Variants in GALNT13 observed in about 807,000 individuals in gnomAD.
The protein encoded by GALNT13 is polypeptide N-acetylgalactosaminyltransferase 13.
In GALNT13, 28 loss-of-function variants were observed where a neutral mutation model predicts 64.2. That is an observed-to-expected ratio of 0.44 (90% CI 0.32 to 0.60). GALNT13 has a LOEUF of 0.60. Among genes scored for constraint, GALNT13 ranks in the 20% least tolerant of loss-of-function variants. GALNT13 has a pLI of 0.05. For missense variants in GALNT13, 577 were observed against 669.8 expected, an observed-to-expected ratio of 0.86 and a Z score of 1.53; for synonymous variants, 214 against 224.6, an observed-to-expected ratio of 0.95 and a Z score of 0.42.
intron 3 of GALNT13, among the ~76,000 whole-genome samples, chr2:153,994,695 G>T (rs1454817676): frequency 2.0e-5 from 3 of 152,206 alleles, no homozygotes; most frequent in Admixed American, 6.5e-5. Flanking sequence ...TGATGTGTCT[G>T]TTGGCTGCAT....
the GALNT13 span, among the ~76,000 whole-genome samples, chr2:153,857,401 A>G: frequency 6.6e-5 from 10 of 152,296 alleles, 2 homozygotes; most frequent in Middle Eastern, 6.8e-3. Flanking sequence ...AAGGAAGGGA[A>G]TAATGAAAGT....
chr2:154,266,668 A>G (rs969631636), intron 8 of GALNT13, among the ~76,000 whole-genome samples: 1 of 151,944 alleles, frequency 6.6e-6, no homozygotes, highest in East Asian at 1.9e-4. Context: ...TGATATTAAG[A>G]TGACAATTCT....
chr2:154,034,279 AG>A (rs773531362), intron 3 of GALNT13, among the ~76,000 whole-genome samples: 6 of 152,196 alleles, frequency 3.9e-5, no homozygotes, highest in African/African-American at 7.2e-5. Context: ...ATGGACACTC[AG>A]CCCTAAAAAC....
At chr2:153,370,146 G>A in the GALNT13 span, among the ~76,000 whole-genome samples, 125,512 of 152,124 alleles carry the variant, frequency 0.83, 52,704 homozygotes, top group African/African-American at 0.91. Flanking sequence ...ACTCAAGAAG[G>A]AACAGATAAC....
chr2:153,088,227 A>T, the GALNT13 span, among the ~76,000 whole-genome samples: 1 of 152,064 alleles, frequency 6.6e-6, no homozygotes, highest in Non-Finnish European at 1.5e-5. Flanking sequence ...TGACCCAAAG[A>T]TCATTCAAGA....
chr2:154,290,620 T>G (rs1692553918), intron 8 of GALNT13, among the ~76,000 whole-genome samples: 1 of 152,216 alleles, frequency 6.6e-6, no homozygotes, highest in African/African-American at 2.4e-5. Context: ...TGGGGGAATT[T>G]AGAAGCTGGG....
chr2:154,308,623 G>A (rs1476461115), intron 9 of GALNT13, among the ~76,000 whole-genome samples: 1 of 152,054 alleles, frequency 6.6e-6, no homozygotes, highest in South Asian at 2.1e-4. Flanking sequence ...TCTGAAAATA[G>A]TATAGCACTT....
the GALNT13 span, among the ~76,000 whole-genome samples, chr2:153,282,182 T>C: frequency 2.6e-5 from 4 of 152,144 alleles, no homozygotes; most frequent in African/African-American, 9.7e-5. Flanking sequence ...TTGATAAAGG[T>C]TTCAAATGTA....
At chr2:154,021,262 A>G (rs1697462935) in intron 3 of GALNT13, among the ~76,000 whole-genome samples, 3 of 152,116 alleles carry the variant, frequency 2.0e-5, no homozygotes, top group Admixed American at 2.0e-4. Flanking sequence ...CTTGATGGGG[A>G]TGGCATTGAA....
chr2:154,156,050 A>G (rs1242390900), intron 4 of GALNT13, among the ~76,000 whole-genome samples: 2 of 149,562 alleles, frequency 1.3e-5, no homozygotes, highest in African/African-American at 5.1e-5. Flanking sequence ...TCTTTCTATT[A>G]TTTTTTATGT....
the GALNT13 span, among the ~76,000 whole-genome samples, chr2:153,282,658 TG>T: frequency 6.6e-6 from 1 of 152,134 alleles, no homozygotes; most frequent in Admixed American, 6.5e-5. Context: ...TCAAGCAGTT[TG>T]CCTACCTCAG....
rs151085706 is a variant in GALNT13, at chr2:154,201,653, A to G, written c.312-40377A>G. Among the ~76,000 whole-genome samples the G allele has an allele frequency of 1.9e-4, 29 of 152,298 alleles. No homozygotes were observed. The East Asian group carries it at 5.6e-3, about 29-fold the overall frequency. On this transcript the variant is annotated intron_variant, in intron 4 of 12. Transcript: ENST00000392825. ...CTTTAGATCACATTTTTTAAAAAGT[A>G]TCCTTGGTTATCTCCTCTTTTCAAA...
chr2:153,828,867 T>C, the GALNT13 span, among the ~76,000 whole-genome samples: 1 of 152,164 alleles, frequency 6.6e-6, no homozygotes, highest in East Asian at 1.9e-4. Context: ...AATCATCTCT[T>C]GAATGTTTTG....
the GALNT13 span, among the ~76,000 whole-genome samples, chr2:153,811,999 C>T: frequency 6.6e-6 from 1 of 152,180 alleles, no homozygotes; most frequent in African/African-American, 2.4e-5. Flanking sequence ...CATATGTTTG[C>T]ATTCCTTTAG....
the GALNT13 span, among the ~76,000 whole-genome samples, chr2:153,432,320 A>AT: frequency 6.6e-6 from 1 of 152,102 alleles, no homozygotes; most frequent in African/African-American, 2.4e-5. Flanking sequence ...CCACCAGTGG[A>AT]TTTTTTTCAA....
At position 154,043,282 on chromosome 2, in the gene GALNT13, AAC is replaced by A. The variant is rs550636676; in HGVS notation, c.143-97053_143-97052del. Reference sequence around the variant, plus strand: ...CGGAAAGCAAAATGTATACAGGAGAAACAGTGTAAATAAAGCAAAAGAGTAAA... The same window carrying A: ...CGGAAAGCAAAATGTATACAGGAGAAAGTGTAAATAAAGCAAAAGAGTAAA... On this transcript the variant is annotated intron_variant, in intron 3 of 12. Coordinates refer to ENST00000392825, the MANE Select transcript of GALNT13 (RefSeq NM_052917.4). Among the ~76,000 whole-genome samples the A allele has an allele frequency of 1.6e-3, 244 of 151,866 alleles. No individual in the cohort carries two copies. The Middle Eastern group carries it at 0.017, about 11-fold the overall frequency.
the GALNT13 span, among the ~76,000 whole-genome samples, chr2:153,094,116 G>GA: frequency 1.3e-5 from 2 of 151,804 alleles, no homozygotes; most frequent in Non-Finnish European, 1.5e-5. Context: ...TTAACTTTTA[G>GA]AAAAAATCTT....
the GALNT13 span, among the ~76,000 whole-genome samples, chr2:153,103,440 C>G: frequency 6.6e-6 from 1 of 152,192 alleles, no homozygotes; most frequent in South Asian, 2.1e-4. Context: ...AGCTCTGTAT[C>G]TCATTACTGT....
chr2:153,207,414 T>G, the GALNT13 span, among the ~76,000 whole-genome samples: 27 of 152,242 alleles, frequency 1.8e-4, no homozygotes, highest in African/African-American at 6.0e-4. Context: ...CATCAGAATA[T>G]GTAATATGTG....
Sources: allele counts gnomAD v4.1 joint callset (sites outside exome capture counted in the v4.1 genomes callset), GRCh38; gene constraint gnomAD v4.1.1; transcripts MANE v1.5; gene names NCBI Gene and HGNC (gene_info 2026-07-23, HGNC 2026-07-21).